The following CACNA1C variants were observed in gnomAD, a reference collection of about 807,000 sequenced individuals.
CACNA1C encodes the protein voltage-dependent L-type calcium channel subunit alpha-1C.
In CACNA1C, 30 loss-of-function variants were observed where a neutral mutation model predicts 229.0. The observed-to-expected ratio is 0.13, with a 90% CI of 0.10 to 0.18. CACNA1C has a LOEUF of 0.18. Ranked by LOEUF, CACNA1C falls within the 10% of genes least tolerant of loss-of-function variation. The pLI is 1.00. For missense variants in CACNA1C, 1,658 were observed against 2,845.0 expected (o/e 0.58, Z 9.49); for synonymous variants, 1,114 against 1,132.5 (o/e 0.98, Z 0.33).
At chr12:2,456,049 T>C (rs2099416048) in intron 4 of CACNA1C, among the ~76,000 whole-genome samples, 2 of 152,198 alleles carry the variant, frequency 1.3e-5, no homozygotes, top group African/African-American at 4.8e-5. Flanking sequence ...ACTCAAGACA[T>C]GCATTCGATG....
chr12:2,681,722 C>T (rs927070211), intron 42 of CACNA1C, among the ~76,000 whole-genome samples: 3 of 152,176 alleles, frequency 2.0e-5, no homozygotes, highest in Non-Finnish European at 2.9e-5. Context: ...GAGAGAATTG[C>T]TTCTACCCTG....
rs984662156 is a variant in CACNA1C at position 2,405,119 on chromosome 12, T to G, written c.478-43857T>G. ...AGAATACGGACGGGATATAGATACA[T>G]TCTACTGATCCAAGTCACTTTAAAT... On this transcript the variant is annotated intron_variant, in intron 3 of 46. Coordinates refer to ENST00000399655, the MANE Select transcript of CACNA1C (RefSeq NM_000719.7). 3.9e-5 allele frequency among the ~76,000 whole-genome samples: 6 copies of G among 152,342 alleles called. No individual in the cohort carries two copies. In the South Asian group the frequency reaches 6.2e-4, roughly 16 times the overall value.
chr12:2,679,503 C>T lies in CACNA1C; in HGVS notation c.5151C>T (p.Ala1717=), dbSNP rs1292968645. The part of the protein sequence containing the change: ...VSYYQSDGRS[A]FPQTFTTQRP... ...ACTACCAAAGCGACGGCCGGAGCGC[C>T]TTCCCCCAGACCTTCACCACTCAGC... The change falls in exon 42 of 47, where the codon GCC becomes GCT. Residue 1717 remains alanine, a synonymous_variant. Transcript: ENST00000399655. This position sits in a 1 kb window ranked among gnomAD's most constrained non-coding sequence, Gnocchi z 5.5. 6.2e-7 allele frequency: 1 copy of T among 1,609,558 alleles called. No homozygotes were observed. Among genetic ancestry groups the T allele is most frequent in the Admixed American group, 1.7e-5 (1 of 59,690 alleles).
At chr12:2,505,388 A>C (rs760003033) in intron 8 of CACNA1C, among the ~76,000 whole-genome samples, 7 of 152,224 alleles carry the variant, frequency 4.6e-5, no homozygotes, top group Admixed American at 1.3e-4. Context: ...TTAACTGTTT[A>C]AAGCCATATA....
At chr12:2,460,022 A>G (rs1407356045) in intron 5 of CACNA1C, among the ~76,000 whole-genome samples, 3 of 152,210 alleles carry the variant, frequency 2.0e-5, no homozygotes, top group Admixed American at 6.5e-5. Context: ...AGCAACATTT[A>G]CACCTGGCTC....
intron 11 of CACNA1C, among the ~76,000 whole-genome samples, chr12:2,560,732 C>T (rs1373396815): frequency 1.3e-5 from 2 of 151,464 alleles, no homozygotes; most frequent in Non-Finnish European, 2.9e-5. Context: ...GCCATACCAT[C>T]AGCAACAAGG....
At position 2,537,455 on chromosome 12, in the gene CACNA1C, G is replaced by A. The variant is rs147638528; in HGVS notation, c.1391-12488G>A. Among the ~76,000 whole-genome samples the A allele has an allele frequency of 1.4e-3, 208 of 152,300 alleles. 1 individual carries two copies. Among genetic ancestry groups the A allele is most frequent in the African/African-American group, 4.7e-3 (196 of 41,568 alleles). ...GCATATAGTGAGTGATTGAGAGACT[G>A]AGCTTTGTTGTTAATATGAAGATAG... On this transcript the variant is annotated intron_variant, in intron 9 of 46. Coordinates refer to ENST00000399655, the MANE Select transcript of CACNA1C (RefSeq NM_000719.7).
rs145160921 is a variant in CACNA1C, at chr12:2,651,184, G to A, written c.3946-456G>A. ...AGGCCAGCCACCAACCCACATCCTC[G>A]GAGAGTGCTGGGCTCCACTTAGGAC... On this transcript the variant is annotated intron_variant, in intron 31 of 46. Coordinates refer to ENST00000399655, the MANE Select transcript of CACNA1C (RefSeq NM_000719.7). This position sits in a 1 kb window ranked among gnomAD's most constrained non-coding sequence, Gnocchi z 5.4. 4.7e-4 allele frequency: 78 copies of A among 166,140 alleles called. 1 individual carries two copies. Among genetic ancestry groups the A allele is most frequent in the East Asian group, 3.6e-3 (21 of 5,868 alleles). 10.3% of individuals were successfully genotyped at this position (166,140 alleles called of 1,614,324 possible).
In CACNA1C at chr12:2,512,218, G is replaced by A. The variant is rs1397550700; in HGVS notation, c.1218-594G>A. 1.3e-5 allele frequency among the ~76,000 whole-genome samples: 2 copies of A among 152,132 alleles called. No homozygotes were observed. Among genetic ancestry groups the A allele is most frequent in the Admixed American group, 6.5e-5 (1 of 15,274 alleles). On this transcript the variant is annotated intron_variant, in intron 8 of 46. Transcript: ENST00000399655. The surrounding 1 kb of genome is among the most constrained non-coding windows in gnomAD (Gnocchi z 4.3). ...GTTTTCAGCATTTGCCAGTTACCATGGTGTAAATATTCCCACTGTGGCCGA... is the reference window on the plus strand; with the variant it reads ...GTTTTCAGCATTTGCCAGTTACCATAGTGTAAATATTCCCACTGTGGCCGA...
chr12:2,637,477 AC>A (rs1263309588), intron 30 of CACNA1C, among the ~76,000 whole-genome samples: 1 of 152,202 alleles, frequency 6.6e-6, no homozygotes, highest in East Asian at 1.9e-4. Flanking sequence ...AACAGGTACA[AC>A]CAGATCAAAG....
intron 5 of CACNA1C, among the ~76,000 whole-genome samples, chr12:2,459,125 G>A (rs527298959): frequency 3.3e-4 from 49 of 150,230 alleles, no homozygotes; most frequent in African/African-American, 1.2e-3. Context: ...TGGGACTACA[G>A]GTGCTTGCCA....
chr12:2,630,864 CCTTA>C lies in CACNA1C; in HGVS notation c.3829-3432_3829-3429del, dbSNP rs2090060777. Among the ~76,000 whole-genome samples the C allele has an allele frequency of 6.6e-6, 1 of 152,108 alleles. No homozygotes were observed. Among genetic ancestry groups the C allele is most frequent in the South Asian group, 2.1e-4 (1 of 4,828 alleles). On this transcript the variant is annotated intron_variant, in intron 29 of 46. Transcript: ENST00000399655. The surrounding 1 kb of genome is among the most constrained non-coding windows in gnomAD (Gnocchi z 5.4). Reference sequence around the variant, plus strand: ...CTGAGGACAAGTGTGAGGCACAAGGCCTTAACTCCAACAGAGCCCAGCCAGTGCC... The same window carrying C: ...CTGAGGACAAGTGTGAGGCACAAGGCACTCCAACAGAGCCCAGCCAGTGCC...
At chr12:2,562,712 T>C (rs2048152828) in intron 11 of CACNA1C, among the ~76,000 whole-genome samples, 1 of 152,216 alleles carries the variant, frequency 6.6e-6, no homozygotes, top group Non-Finnish European at 1.5e-5. Flanking sequence ...CCAAAGTGCA[T>C]TTAGAAATCA....
At chr12:2,164,276 GGCTGT>G (rs1326944017) in intron 3 of CACNA1C, among the ~76,000 whole-genome samples, 3 of 152,242 alleles carry the variant, frequency 2.0e-5, no homozygotes, top group Non-Finnish European at 2.9e-5. Context: ...CACAGTGCCT[GGCTGT>G]GCTGGGTACA....
At chr12:2,332,362 TAAAAAG>T (rs1189730736) in intron 3 of CACNA1C, among the ~76,000 whole-genome samples, 5 of 152,258 alleles carry the variant, frequency 3.3e-5, no homozygotes, top group African/African-American at 1.2e-4. Context: ...AATAAAAAGA[TAAAAAG>T]AAAAAGGCAA....
chr12:2,055,791 G>C (rs1222523072), intron 1 of CACNA1C, among the ~76,000 whole-genome samples: 2 of 152,170 alleles, frequency 1.3e-5, no homozygotes, highest in Admixed American at 1.3e-4. Flanking sequence ...TTCCCAGGTG[G>C]AAGAGCACCA....
chr12:2,501,164 A>G (rs1188333791), intron 7 of CACNA1C, among the ~76,000 whole-genome samples: 3 of 135,330 alleles, frequency 2.2e-5, no homozygotes, highest in Non-Finnish European at 3.0e-5. Flanking sequence ...AGCCAAGATC[A>G]CGCCACTGCA....
At chr12:2,186,142 G>A (rs1003628795) in intron 3 of CACNA1C, among the ~76,000 whole-genome samples, 1 of 152,150 alleles carries the variant, frequency 6.6e-6, no homozygotes, top group Non-Finnish European at 1.5e-5. Context: ...CATCTTTATG[G>A]GAAAACTGCC....
intron 5 of CACNA1C, among the ~76,000 whole-genome samples, chr12:2,469,387 C>T (rs937646354): frequency 3.3e-5 from 5 of 152,160 alleles, no homozygotes; most frequent in African/African-American, 4.8e-5. Context: ...TCATCTATGC[C>T]GCATTGTGTT....
Sources: gnomAD v4.1 joint callset for allele counts (sites outside exome capture counted in the v4.1 genomes callset) on GRCh38, gnomAD v4.1.1 for gene constraint, Gnocchi (gnomAD v3.1) non-coding constraint, MANE v1.5 for transcripts, NCBI Gene and HGNC (gene_info 2026-07-23, HGNC 2026-07-21) for gene names.